The following PPM1B variants were observed in gnomAD, a reference collection of about 807,000 sequenced individuals.
The protein encoded by PPM1B is protein phosphatase 1B.
PPM1B carries 22 observed loss-of-function variants against 43.0 expected under a neutral mutation model. The ratio of observed to expected loss-of-function variants is 0.51; its 90% CI spans 0.37 to 0.73. The LOEUF (loss-of-function observed/expected upper bound fraction) is 0.73. Ranked by LOEUF, PPM1B falls within the 30% of genes least tolerant of loss-of-function variation. The probability of loss-of-function intolerance (pLI) is 0.00; values close to 1 mark genes in which losing one functional copy is unlikely to be tolerated. For synonymous variants in PPM1B, 217 were observed against 197.9 expected, an observed-to-expected ratio of 1.10 and a Z score of -0.81; for missense variants, 632 against 584.2, an observed-to-expected ratio of 1.08 and a Z score of -0.84.
At chr2:44,195,927 T>C (rs1161903954) in intron 1 of PPM1B, among the ~76,000 whole-genome samples, 2 of 152,158 alleles carry the variant, frequency 1.3e-5, no homozygotes, top group Non-Finnish European at 2.9e-5. Context: ...AAGATACTCC[T>C]TGGGACAGTC....
chr2:44,228,943 G>T lies in PPM1B; in HGVS notation c.1135-1470G>T, dbSNP rs551515530. ...CACACCTGTAATCCCAGCACTTTGG[G>T]AGGCCGATGCAGGCAGATCACCTGA... On this transcript the variant is annotated intron_variant, in intron 5 of 5. Coordinates refer to ENST00000282412, the MANE Select transcript of PPM1B (RefSeq NM_002706.6). Among the ~76,000 whole-genome samples, 5 of 152,200 alleles carry T rather than the reference G, an allele frequency of 3.3e-5. No homozygotes were observed. The South Asian group carries it at 1.0e-3, about 32-fold the overall frequency.
chr2:44,171,292 A>C (rs141412183), intron 1 of PPM1B, among the ~76,000 whole-genome samples: 1 of 152,242 alleles, frequency 6.6e-6, no homozygotes, highest in South Asian at 2.1e-4. Flanking sequence ...TAATTACTAA[A>C]TTCCTTAAGA....
At chr2:44,226,068 C>G (rs1670196293) in intron 5 of PPM1B, among the ~76,000 whole-genome samples, 1 of 151,552 alleles carries the variant, frequency 6.6e-6, no homozygotes, top group African/African-American at 2.4e-5. Context: ...CTCCGTCTCC[C>G]AGGTTCACGC....
rs146864942 is a variant in PPM1B at position 44,194,028 on chromosome 2, A to G, written c.-14-7158A>G. Reference sequence around the variant, plus strand: ...TGCATCACCCAGCCTGGTTTTGTTTATTTGTTTGTTTGTTTGTTTGTTTTT... The same window carrying G: ...TGCATCACCCAGCCTGGTTTTGTTTGTTTGTTTGTTTGTTTGTTTGTTTTT... On this transcript the variant is annotated intron_variant, in intron 1 of 5. Transcript: ENST00000282412. Among the ~76,000 whole-genome samples the G allele has an allele frequency of 2.8e-3, 420 of 151,722 alleles. 1 individual carries two copies. Among genetic ancestry groups the G allele is most frequent in the Non-Finnish European group, 4.1e-3 (281 of 67,884 alleles).
intron 1 of PPM1B, among the ~76,000 whole-genome samples, chr2:44,170,008 G>GA (rs1667249885): frequency 6.6e-6 from 1 of 152,050 alleles, no homozygotes; most frequent in Non-Finnish European, 1.5e-5. Context: ...TAACAACCTT[G>GA]AAAAAATTGT....
chr2:44,203,617 TGTGA>T (rs753758797), intron 2 of PPM1B, among the ~76,000 whole-genome samples: 18 of 152,202 alleles, frequency 1.2e-4, no homozygotes, highest in Non-Finnish European at 2.2e-4. Context: ...TCTGCCTGCC[TGTGA>T]GTGTGTGTAT....
intron 3 of PPM1B, among the ~76,000 whole-genome samples, chr2:44,216,370 T>A (rs1366864043): frequency 6.6e-6 from 1 of 152,004 alleles, no homozygotes; most frequent in South Asian, 2.1e-4. Context: ...AACAAAAAAA[T>A]TGTCTGGTGT....
Position 44,241,682 on chromosome 2 carries a change from A to G in PPM1B, n.1547-2546A>G, listed in dbSNP as rs896835020. Among the ~76,000 whole-genome samples the G allele has an allele frequency of 7.9e-5, 12 of 150,946 alleles. 3 individuals are homozygous for G. Among genetic ancestry groups the G allele is most frequent in the Non-Finnish European group, 1.5e-5 (1 of 67,650 alleles). On this transcript the variant is annotated intron_variant and non_coding_transcript_variant, in intron 5 of 5. Coordinates refer to the PPM1B transcript ENST00000378540. Reference sequence around the variant, plus strand: ...AGGAGGCAGAGGCTTCAGTGAGCTGAGATCATGTCACTGCACTCCAGCTTG... The same window carrying G: ...AGGAGGCAGAGGCTTCAGTGAGCTGGGATCATGTCACTGCACTCCAGCTTG...
At chr2:44,217,668 T>C (rs1177052229) in intron 3 of PPM1B, among the ~76,000 whole-genome samples, 3 of 152,190 alleles carry the variant, frequency 2.0e-5, no homozygotes, top group Admixed American at 6.5e-5. Flanking sequence ...TACACCAAAG[T>C]TTTTAACTGT....
chr2:44,184,741 C>G (rs918121570), intron 1 of PPM1B, among the ~76,000 whole-genome samples: 1 of 151,972 alleles, frequency 6.6e-6, no homozygotes, highest in Non-Finnish European at 1.5e-5. Context: ...AGCCCACAGA[C>G]CCACATAGGG....
downstream of PPM1B, among the ~76,000 whole-genome samples, chr2:44,246,901 T>A (rs1287537409): frequency 3.3e-5 from 5 of 152,176 alleles, no homozygotes. Flanking sequence ...ATGTATGTTA[T>A]ACTTCAATTA....
chr2:44,187,369 G>T (rs187746642), intron 1 of PPM1B, among the ~76,000 whole-genome samples: 1 of 152,106 alleles, frequency 6.6e-6, no homozygotes, highest in Non-Finnish European at 1.5e-5. Flanking sequence ...TGGGTACTAC[G>T]ATCATGGGTG....
intron 5 of PPM1B, among the ~76,000 whole-genome samples, chr2:44,228,063 C>T (rs1245651562): frequency 1.3e-5 from 2 of 151,422 alleles, no homozygotes; most frequent in African/African-American, 2.4e-5. Context: ...GCTGGGATTG[C>T]AGGCACTTGC....
chr2:44,232,977 T>TA, downstream of PPM1B: 1 of 980,508 alleles, frequency 1.0e-6, no homozygotes, highest in South Asian at 4.7e-5. Context: ...TATAAACCCT[T>TA]ACAAATTTTA....
intron 5 of PPM1B, among the ~76,000 whole-genome samples, chr2:44,227,641 C>G (rs926862126): frequency 6.6e-6 from 1 of 151,630 alleles, no homozygotes; most frequent in African/African-American, 2.4e-5. Context: ...GCCTCAGCCT[C>G]CCGAGTAGCT....
At chr2:44,192,070 G>A (rs1668428029) in intron 1 of PPM1B, among the ~76,000 whole-genome samples, 2 of 149,736 alleles carry the variant, frequency 1.3e-5, no homozygotes, top group African/African-American at 4.9e-5. Flanking sequence ...TTGTGAAGGG[G>A]AGGGGTCTGG....
chr2:44,193,138 AATAG>A (rs1668487292), intron 1 of PPM1B, among the ~76,000 whole-genome samples: 1 of 152,202 alleles, frequency 6.6e-6, no homozygotes. Flanking sequence ...TTTTTTGAGG[AATAG>A]ATAGTTGTCC....
chr2:44,180,751 C>T (rs545272474), intron 1 of PPM1B, among the ~76,000 whole-genome samples: 13 of 152,058 alleles, frequency 8.5e-5, no homozygotes, highest in African/African-American at 3.1e-4. Context: ...GCTAGGACTA[C>T]AGGCGTGGGG....
In PPM1B at chr2:44,243,121, G is replaced by A. The variant is rs10205199; in HGVS notation, n.1547-1107G>A. Among the ~76,000 whole-genome samples, 1,104 of 152,044 alleles carry A rather than the reference G, an allele frequency of 7.3e-3. 8 individuals are homozygous for A. Among genetic ancestry groups the A allele is most frequent in the Non-Finnish European group, 0.011 (746 of 67,996 alleles). On this transcript the variant is annotated intron_variant and non_coding_transcript_variant, in intron 5 of 5. Coordinates refer to the PPM1B transcript ENST00000378540. ...TTCTTACACAATAACTTTTTGTTTC[G>A]ATGCCAGCTTTTCCTACAGGCAGAA...
Sources: gnomAD v4.1 joint callset for allele counts (sites outside exome capture counted in the v4.1 genomes callset) on GRCh38, gnomAD v4.1.1 for gene constraint, MANE v1.5 for transcripts, NCBI Gene and HGNC (gene_info 2026-07-23, HGNC 2026-07-21) for gene names.